ARID1A: variants seen among roughly 807,000 people sequenced by gnomAD.
ARID1A encodes AT-rich interaction domain 1A.
Under a neutral mutation model 212.6 loss-of-function variants are expected in ARID1A, and 20 were observed. That is an observed-to-expected ratio of 0.09 (90% confidence interval 0.07 to 0.14). ARID1A has a LOEUF of 0.14. ARID1A is among the 10% of genes least tolerant of loss of function. The pLI is 1.00. For synonymous variants in ARID1A, 1,376 were observed against 1,222.1 expected, an observed-to-expected ratio of 1.13 and a Z score of -2.63; for missense variants, 2,587 against 3,059.0, an observed-to-expected ratio of 0.85 and a Z score of 3.64.
rs536581077 is a variant in ARID1A at position 26,772,277 on chromosome 1, C to T, written c.3407-223C>T. 29 of 602,856 alleles carry T rather than the reference C, an allele frequency of 4.8e-5. No individual in the cohort carries two copies. In the Admixed American group the frequency reaches 4.8e-4, roughly 10 times the overall value. The allele number at this position is 602,856 out of a possible 1,614,324, so 37.3% of individuals were successfully genotyped here. A position where few individuals can be genotyped will look rare whatever the true frequency, so the allele number is the denominator to read the frequency against. ...CAGCATGGTGATGTCATGGCCACAT[C>T]ACTCCTCTTTTCTACACGTAAAACA... On this transcript the variant is annotated intron_variant, in intron 12 of 19. Coordinates refer to ENST00000324856, the MANE Select transcript of ARID1A (RefSeq NM_006015.6).
In ARID1A at chr1:26,777,839, G is replaced by T. The variant is rs559777128; in HGVS notation, c.5125-1184G>T. Among the ~76,000 whole-genome samples, 33 of 152,238 alleles carry T rather than the reference G, an allele frequency of 2.2e-4. 1 individual carries two copies. In the South Asian group the frequency reaches 6.8e-3, roughly 32 times the overall value. On this transcript the variant is annotated intron_variant, in intron 19 of 19. Transcript: ENST00000324856. ...TCCTAGCACTTTGGGAGGCCAAGGTGGGTGGATCACTTGAGGTTAGGAGTT... is the reference window on the plus strand; with the variant it reads ...TCCTAGCACTTTGGGAGGCCAAGGTTGGTGGATCACTTGAGGTTAGGAGTT...
At chr1:26,701,573 CTA>C (rs1329458373) in intron 1 of ARID1A, among the ~76,000 whole-genome samples, 1 of 152,170 alleles carries the variant, frequency 6.6e-6, no homozygotes, top group Non-Finnish European at 1.5e-5. Flanking sequence ...TTTGCTTTCT[CTA>C]TTTTTCATTT....
In ARID1A at chr1:26,779,013, C is replaced by T. The variant is rs2124136278; in HGVS notation, c.5125-10C>T. 6.7e-7 allele frequency: 1 copy of T among 1,498,020 alleles called. No homozygotes were observed. Among genetic ancestry groups the T allele is most frequent in the Non-Finnish European group, 8.9e-7 (1 of 1,123,240 alleles). 92.8% of individuals were successfully genotyped at this position (1,498,020 alleles called of 1,614,324 possible). On this transcript the variant is annotated splice_polypyrimidine_tract_variant and intron_variant, in intron 19 of 19. Transcript: ENST00000324856. ...TCCCTTAATTTATTTCCTGTTCTTTCTCTTTTTAGCTCCCAGGGTTGCTAG... is the reference window on the plus strand; with the variant it reads ...TCCCTTAATTTATTTCCTGTTCTTTTTCTTTTTAGCTCCCAGGGTTGCTAG...
chr1:26,772,619 T>TTGC lies in ARID1A; in HGVS notation c.3527_3529dup (p.Leu1176dup). ...CACACCACACAGTCAGATCCCCCCA[T>TTGC]TGCCAGGCATGAGGTAAGGCCAAGA... On this transcript the variant is annotated inframe_insertion, in exon 13 of 20. Coordinates refer to ENST00000324856, the MANE Select transcript of ARID1A (RefSeq NM_006015.6). The TTGC allele has an allele frequency of 6.2e-7, 1 of 1,614,138 alleles. No individual in the cohort carries two copies. Among genetic ancestry groups the TTGC allele is most frequent in the Non-Finnish European group, 8.5e-7 (1 of 1,180,020 alleles).
chr1:26,745,024 G>T (rs902592056), intron 4 of ARID1A, among the ~76,000 whole-genome samples: 2 of 152,140 alleles, frequency 1.3e-5, no homozygotes, highest in African/African-American at 4.8e-5. Flanking sequence ...ACTCTTTTGG[G>T]ATCATTTGAT....
At chr1:26,699,263 C>G (rs1292325594) in intron 1 of ARID1A, among the ~76,000 whole-genome samples, 1 of 152,172 alleles carries the variant, frequency 6.6e-6, no homozygotes, top group African/African-American at 2.4e-5. Flanking sequence ...TACCTTGTTA[C>G]ACTATTCTAT....
intron 1 of ARID1A, among the ~76,000 whole-genome samples, chr1:26,707,630 A>T (rs764955171): frequency 9.2e-5 from 14 of 152,286 alleles, no homozygotes; most frequent in Non-Finnish European, 1.6e-4. Flanking sequence ...GGCGTGAGCC[A>T]CTGTGCCTGG....
At chr1:26,750,833 A>G (rs1049820140) in intron 4 of ARID1A, among the ~76,000 whole-genome samples, 5 of 152,120 alleles carry the variant, frequency 3.3e-5, no homozygotes, top group Admixed American at 2.0e-4. Flanking sequence ...AGTACCCTAC[A>G]GAAAACCCAG....
At position 26,697,099 on chromosome 1, in the gene ARID1A, C is replaced by T. The variant is rs774524082; in HGVS notation, c.696C>T (p.Ser232=). 5.2e-5 allele frequency: 76 copies of T among 1,473,566 alleles called. No homozygotes were observed. The highest frequency in any genetic ancestry group is 6.4e-5 in the Non-Finnish European group (71 of 1,116,290). The allele number at this position is 1,473,566 out of a possible 1,614,324, so 91.3% of individuals were successfully genotyped here. A position where few individuals can be genotyped will look rare whatever the true frequency, so the allele number is the denominator to read the frequency against. The change falls in exon 1 of 20, where the codon AGC becomes AGT. Residue 232 remains serine (S), a synonymous_variant. Transcript: ENST00000324856. ...YPPPAPAYAL[S]SPRGGTPGSG... Reference sequence around the variant, plus strand: ...CGCCCGCCCCGGCCTACGCGCTGAGCTCCCCGAGAGGTGGCACTCCGGGCT... The same window carrying T: ...CGCCCGCCCCGGCCTACGCGCTGAGTTCCCCGAGAGGTGGCACTCCGGGCT...
chr1:26,765,565 T>TA (rs1261866773), intron 8 of ARID1A: 1 of 151,000 alleles, frequency 6.6e-6, no homozygotes, highest in Non-Finnish European at 1.5e-5. Context: ...AGGTAGAAGA[T>TA]AAGAAAATCT....
At chr1:26,761,234 A>G in intron 5 of ARID1A, 138 bp downstream of exon 5, 1 of 1,468,016 alleles carries the variant, frequency 6.8e-7, no homozygotes, top group East Asian at 2.4e-5. Context: ...TTGGAGAAGG[A>G]GATTGGAACC....
intron 1 of ARID1A, among the ~76,000 whole-genome samples, chr1:26,700,106 GAC>G (rs1352336960): frequency 6.6e-6 from 1 of 152,212 alleles, no homozygotes; most frequent in African/African-American, 2.4e-5. Context: ...TTGTGTAAGA[GAC>G]AGTGCAGCTT....
chr1:26,766,337 T>C lies in ARID1A; in HGVS notation c.2849T>C (p.Met950Thr). 6.2e-7 allele frequency: 1 copy of C among 1,614,194 alleles called. No homozygotes were observed. The highest frequency in any genetic ancestry group is 8.5e-7 in the Non-Finnish European group (1 of 1,180,024). ...MINPQGPPYSMGGTMANNSAG... is the reference protein window; with the variant it reads ...MINPQGPPYSTGGTMANNSAG... ...AACCCTCAGGGACCCCCATATTCCA[T>C]GGGTGGAACCATGGCCAACAATTCT... The change falls in exon 9 of 20, where the codon ATG becomes ACG. Residue 950 changes from methionine to threonine, a missense_variant. Coordinates refer to ENST00000324856, the MANE Select transcript of ARID1A (RefSeq NM_006015.6).
chr1:26,753,814 G>A (rs747992230), intron 4 of ARID1A, among the ~76,000 whole-genome samples: 24 of 152,192 alleles, frequency 1.6e-4, no homozygotes, highest in Non-Finnish European at 2.4e-4. Context: ...TGAGAGTCCT[G>A]AGATGCCAAG....
chr1:26,751,056 A>G (rs551155325), intron 4 of ARID1A, among the ~76,000 whole-genome samples: 1 of 152,128 alleles, frequency 6.6e-6, no homozygotes, highest in Non-Finnish European at 1.5e-5. Context: ...GGAGTTCGAG[A>G]CCAACCTGAT....
chr1:26,755,359 C>T (rs1214051085), intron 4 of ARID1A, among the ~76,000 whole-genome samples: 5 of 152,182 alleles, frequency 3.3e-5, no homozygotes, highest in Admixed American at 3.3e-4. Flanking sequence ...CTCAAGCCAA[C>T]CAAATCAGAG....
At chr1:26,707,334 G>A (rs750077220) in intron 1 of ARID1A, among the ~76,000 whole-genome samples, 1 of 146,344 alleles carries the variant, frequency 6.8e-6, no homozygotes, top group African/African-American at 2.5e-5. Context: ...ACAGCCTCCC[G>A]AGTAGCTGGG....
At chr1:26,756,555 C>G (rs977746267) in intron 4 of ARID1A, among the ~76,000 whole-genome samples, 1 of 144,446 alleles carries the variant, frequency 6.9e-6, no homozygotes, top group Non-Finnish European at 1.5e-5. Context: ...GACCGAGACC[C>G]TGTCTCTTTA....
At chr1:26,763,600 T>C (rs1025966186) in intron 8 of ARID1A, among the ~76,000 whole-genome samples, 14 of 152,256 alleles carry the variant, frequency 9.2e-5, no homozygotes, top group Non-Finnish European at 1.5e-4. Flanking sequence ...TGAAACCCCG[T>C]CTGTACTAAA....
Sources: gnomAD v4.1 joint callset for allele counts (sites outside exome capture counted in the v4.1 genomes callset) on GRCh38, gnomAD v4.1.1 for gene constraint, MANE v1.5 for transcripts, NCBI Gene and HGNC (gene_info 2026-07-23, HGNC 2026-07-21) for gene names.